MEGF11: variants seen among roughly 807,000 people sequenced by gnomAD.
MEGF11 encodes multiple epidermal growth factor-like domains protein 11.
MEGF11 carries 126 observed loss-of-function variants against 146.6 expected under a neutral mutation model. The ratio of observed to expected loss-of-function variants is 0.86; its 90% CI spans 0.74 to 1.00. MEGF11 has a LOEUF of 1.00. MEGF11 is among the 50% of genes least tolerant of loss of function. The pLI is 0.00. For synonymous variants in MEGF11, 532 were observed against 583.4 expected, an observed-to-expected ratio of 0.91 and a Z score of 1.27; for missense variants, 1,509 against 1,521.2, an observed-to-expected ratio of 0.99 and a Z score of 0.13.
At chr15:66,053,604 C>A (rs1370892830) in intron 5 of MEGF11, among the ~76,000 whole-genome samples, 1 of 151,950 alleles carries the variant, frequency 6.6e-6, no homozygotes, top group African/African-American at 2.4e-5. Flanking sequence ...AGGGCCCAGA[C>A]CCCTGCTCAT....
intron 5 of MEGF11, among the ~76,000 whole-genome samples, chr15:66,079,966 T>G (rs192765853): frequency 6.6e-6 from 1 of 152,180 alleles, no homozygotes; most frequent in Non-Finnish European, 1.5e-5. Flanking sequence ...GGAGGCACTG[T>G]GGAAGAAACG....
At chr15:65,938,009 T>C (rs185945881) in intron 10 of MEGF11, among the ~76,000 whole-genome samples, 1 of 152,330 alleles carries the variant, frequency 6.6e-6, no homozygotes, top group East Asian at 1.9e-4. Flanking sequence ...ACTGGGGGTC[T>C]TAACCCAAAG....
chr15:66,249,469 T>C (rs898690721), intron 1 of MEGF11, among the ~76,000 whole-genome samples: 10 of 152,160 alleles, frequency 6.6e-5, no homozygotes, highest in African/African-American at 2.4e-4. Context: ...GGAGTCTACA[T>C]CCAATACACG....
chr15:66,115,754 T>C (rs72744439), intron 4 of MEGF11, among the ~76,000 whole-genome samples: 25,615 of 152,138 alleles, frequency 0.17, 2,674 homozygotes, highest in East Asian at 0.37. Context: ...TAATCCACTA[T>C]GACGTGTGTG....
chr15:66,102,580 C>G (rs1017458864), intron 4 of MEGF11, among the ~76,000 whole-genome samples: 2 of 151,434 alleles, frequency 1.3e-5, no homozygotes, highest in Non-Finnish European at 2.9e-5. Context: ...GCATGCACCA[C>G]CACAATTAGC....
chr15:66,244,054 A>C (rs1567296867), intron 1 of MEGF11, among the ~76,000 whole-genome samples: 1 of 152,164 alleles, frequency 6.6e-6, no homozygotes, highest in African/African-American at 2.4e-5. Flanking sequence ...ACTCTTTAAC[A>C]TCCTGTTCTG....
At chr15:65,996,007 A>C (rs1026625604) in intron 5 of MEGF11, among the ~76,000 whole-genome samples, 2 of 152,158 alleles carry the variant, frequency 1.3e-5, no homozygotes, top group African/African-American at 4.8e-5. Context: ...GAGCATCCAG[A>C]TGTCACCAGA....
chr15:66,079,775 A>C (rs981093475), intron 5 of MEGF11, among the ~76,000 whole-genome samples: 2 of 152,190 alleles, frequency 1.3e-5, no homozygotes, highest in African/African-American at 4.8e-5. Context: ...GCAGCATCAC[A>C]GGAACATGAG....
intron 1 of MEGF11, among the ~76,000 whole-genome samples, chr15:66,182,292 C>T (rs1417817011): frequency 1.3e-5 from 2 of 152,186 alleles, no homozygotes; most frequent in East Asian, 1.9e-4. Context: ...CTTGTAGGTG[C>T]CACAGGTAAG....
chr15:65,997,703 G>A (rs371729845), intron 5 of MEGF11, among the ~76,000 whole-genome samples: 4 of 152,108 alleles, frequency 2.6e-5, no homozygotes, highest in Non-Finnish European at 4.4e-5. Flanking sequence ...CCAGCGCCTC[G>A]AACAGTGTCT....
intron 15 of MEGF11, among the ~76,000 whole-genome samples, chr15:65,921,242 T>C (rs2079161336): frequency 6.6e-6 from 1 of 152,214 alleles, no homozygotes; most frequent in Non-Finnish European, 1.5e-5. Context: ...TGAGATTTCT[T>C]GCATAGATGA....
intron 9 of MEGF11, among the ~76,000 whole-genome samples, chr15:65,963,924 C>T (rs539122636): frequency 2.0e-5 from 3 of 152,316 alleles, no homozygotes; most frequent in East Asian, 1.9e-4. Flanking sequence ...AAGTCCTGGC[C>T]GTCCCAGCGA....
intron 3 of MEGF11, among the ~76,000 whole-genome samples, chr15:66,122,505 A>G (rs922296882): frequency 6.6e-6 from 1 of 152,222 alleles, no homozygotes; most frequent in Non-Finnish European, 1.5e-5. Context: ...CTCAAAGAGG[A>G]ACTGGGCTCA....
chr15:66,228,307 C>A (rs1168422274), intron 1 of MEGF11, among the ~76,000 whole-genome samples: 1 of 152,068 alleles, frequency 6.6e-6, no homozygotes, highest in African/African-American at 2.4e-5. Context: ...CAGGGGCTTA[C>A]GAAGCCTTGT....
At chr15:66,054,179 C>T (rs1369321693) in intron 5 of MEGF11, among the ~76,000 whole-genome samples, 1 of 152,186 alleles carries the variant, frequency 6.6e-6, no homozygotes, top group Admixed American at 6.5e-5. Flanking sequence ...GCCCCTGTCT[C>T]CTAAGTGCCT....
chr15:66,052,456 C>T (rs2084491041), intron 5 of MEGF11, among the ~76,000 whole-genome samples: 1 of 152,202 alleles, frequency 6.6e-6, no homozygotes, highest in South Asian at 2.1e-4. Flanking sequence ...CATAGAGGTT[C>T]TTGTCTCCAA....
At chr15:65,947,199 G>T (rs539901345) in intron 10 of MEGF11, among the ~76,000 whole-genome samples, 1 of 152,214 alleles carries the variant, frequency 6.6e-6, no homozygotes, top group African/African-American at 2.4e-5. Context: ...CCCCTCCTGG[G>T]GTTGATAATT....
At chr15:66,229,868 G>A (rs28742176) in intron 1 of MEGF11, among the ~76,000 whole-genome samples, 42,020 of 152,104 alleles carry the variant, frequency 0.28, 6,198 homozygotes, top group Non-Finnish European at 0.35. Flanking sequence ...AATGGGGCTG[G>A]CCTCAGAAAG....
chr15:66,180,880 C>T (rs753206816), intron 1 of MEGF11, among the ~76,000 whole-genome samples: 1 of 152,228 alleles, frequency 6.6e-6, no homozygotes, highest in Non-Finnish European at 1.5e-5. Flanking sequence ...CTGGTCCAGG[C>T]CCCTAATCGG....
Sources: gnomAD v4.1 joint callset for allele counts (sites outside exome capture counted in the v4.1 genomes callset) on GRCh38, gnomAD v4.1.1 for gene constraint, MANE v1.5 for transcripts, NCBI Gene and HGNC (gene_info 2026-07-23, HGNC 2026-07-21) for gene names.